The following PKHD1 variants were observed in gnomAD, a reference collection of about 807,000 sequenced individuals.
PKHD1 encodes fibrocystin.
PKHD1 carries 291 observed loss-of-function variants against 412.0 expected under a neutral mutation model. The ratio of observed to expected loss-of-function variants is 0.71; its 90% CI spans 0.64 to 0.78. PKHD1 has a LOEUF of 0.78. PKHD1 is among the 30% of genes least tolerant of loss of function. The probability of loss-of-function intolerance (pLI) is 0.00; values close to 1 mark genes in which losing one functional copy is unlikely to be tolerated. For missense variants in PKHD1, 4,825 were observed against 4,950.7 expected (o/e 0.97, Z 0.76); for synonymous variants, 1,777 against 1,821.5 (o/e 0.98, Z 0.62).
intron 31 of PKHD1, among the ~76,000 whole-genome samples, chr6:52,027,084 C>T (rs2128149286): frequency 6.6e-6 from 1 of 152,316 alleles, no homozygotes; most frequent in Non-Finnish European, 1.5e-5. Flanking sequence ...TCATCTGTCT[C>T]TCTCATGGAA....
intron 52 of PKHD1, among the ~76,000 whole-genome samples, chr6:51,792,857 C>T (rs1294264070): frequency 6.6e-6 from 1 of 152,224 alleles, no homozygotes; most frequent in Non-Finnish European, 1.5e-5. Context: ...ACTCCAGTGA[C>T]ACCCTGTACA....
chr6:51,872,680 A>G (rs1333853157), intron 46 of PKHD1, among the ~76,000 whole-genome samples: 1 of 152,110 alleles, frequency 6.6e-6, no homozygotes, highest in Non-Finnish European at 1.5e-5. Flanking sequence ...AACTGCTGGG[A>G]TTACAGGTGT....
rs4715276 is a variant in PKHD1 at position 52,070,180 on chromosome 6, A to C, written c.707+226T>G. Among the ~76,000 whole-genome samples the C allele has an allele frequency of 0.56, 84,623 of 152,026 alleles. 26,053 individuals carry two copies. Among genetic ancestry groups the C allele is most frequent in the Non-Finnish European group, 0.69 (46,838 of 67,932 alleles). ...AAGATTTAATTCCCAAAATTCTGCAACACCACCATATTGAAACACACATTG... is the reference window on the plus strand; with the variant it reads ...AAGATTTAATTCCCAAAATTCTGCACCACCACCATATTGAAACACACATTG... On this transcript the variant is annotated intron_variant, in intron 10 of 66. Transcript: ENST00000371117.
intron 13 of PKHD1, among the ~76,000 whole-genome samples, chr6:52,063,245 C>T (rs750585263): frequency 6.6e-6 from 1 of 152,138 alleles, no homozygotes; most frequent in Non-Finnish European, 1.5e-5. Flanking sequence ...AACCCTGAGG[C>T]CAAAGGCACA....
rs189491407 is a variant in PKHD1 at position 52,057,034 on chromosome 6, A to G, written c.1513-55T>C. On this transcript the variant is annotated intron_variant, in intron 16 of 66. Transcript: ENST00000371117. ...TGATGGTGCTAATTAAGCCAGAGAG[A>G]CAATCTAAGAACACAGGACATTCCT... 1.1e-4 allele frequency: 130 copies of G among 1,146,162 alleles called. 1 individual carries two copies. In the African/African-American group the frequency reaches 1.8e-3, roughly 16 times the overall value. 71.0% of individuals were successfully genotyped at this position (1,146,162 alleles called of 1,614,324 possible). A position where few individuals can be genotyped will look rare whatever the true frequency, so the allele number is the denominator to read the frequency against.
At chr6:51,642,093 C>T (rs2580014) in intron 63 of PKHD1, among the ~76,000 whole-genome samples, 3,857 of 152,074 alleles carry the variant, frequency 0.025, 178 homozygotes, top group African/African-American at 0.088. Flanking sequence ...GGTTTCATGC[C>T]TCATTCACTT....
At position 52,027,843 on chromosome 6, in the gene PKHD1, C is replaced by T. The variant is rs540077564; in HGVS notation, c.3614G>A (p.Cys1205Tyr). ...GAGCCACTCACCCAGCAGGGACCCACAGCAAGGCTCGATGCTGAAAACTTC... is the reference window on the plus strand; with the variant it reads ...GAGCCACTCACCCAGCAGGGACCCATAGCAAGGCTCGATGCTGAAAACTTC... ...LTEVFSIEPC[C>Y]GSLLGGTILS... is the part of the protein sequence containing the mutation. The change falls in exon 31 of 67, where the codon TGT becomes TAT. Residue 1205 changes from cysteine to tyrosine, a missense_variant. Transcript: ENST00000371117. The T allele has an allele frequency of 3.1e-6, 5 of 1,612,568 alleles. No homozygotes were observed. In the South Asian group the frequency reaches 4.4e-5, roughly 14 times the overall value.
intron 36 of PKHD1, among the ~76,000 whole-genome samples, chr6:51,948,532 T>C (rs903664209): frequency 3.3e-5 from 5 of 152,248 alleles, no homozygotes; most frequent in Non-Finnish European, 7.3e-5. Flanking sequence ...TTTCTTATTT[T>C]GTTTATTGAC....
chr6:51,677,843 AT>A (rs1776086845), intron 60 of PKHD1, among the ~76,000 whole-genome samples: 1 of 151,878 alleles, frequency 6.6e-6, no homozygotes, highest in Non-Finnish European at 1.5e-5. Flanking sequence ...TGATTCAACC[AT>A]TTTTCCTTTT....
chr6:51,888,926 C>T (rs1190416364), intron 43 of PKHD1, among the ~76,000 whole-genome samples: 1 of 151,142 alleles, frequency 6.6e-6, no homozygotes, highest in Admixed American at 6.6e-5. Flanking sequence ...AACAAAGGGC[C>T]AATCGATCAA....
intron 35 of PKHD1, among the ~76,000 whole-genome samples, chr6:51,986,761 A>G (rs1425917756): frequency 6.6e-6 from 1 of 152,230 alleles, no homozygotes; most frequent in African/African-American, 2.4e-5. Flanking sequence ...CTCATTCCCC[A>G]AGCAAAATAG....
chr6:51,820,091 T>C (rs1433874481), intron 52 of PKHD1, among the ~76,000 whole-genome samples: 4 of 152,202 alleles, frequency 2.6e-5, no homozygotes, highest in Non-Finnish European at 5.9e-5. Context: ...GAAGCTGAGA[T>C]TGGCTCTTGG....
chr6:52,064,946 C>T lies in PKHD1; in HGVS notation c.976+9G>A. ...AGAGTTTATTGAACAGCCCTGGTGG[C>T]TTCCTTACCTGGCTGAGGGGTGGTG... On this transcript the variant is annotated intron_variant, in intron 13 of 66. Coordinates refer to ENST00000371117, the MANE Select transcript of PKHD1 (RefSeq NM_138694.4). The T allele has an allele frequency of 2.6e-6, 4 of 1,535,708 alleles. No homozygotes were observed. The highest frequency in any genetic ancestry group is 2.7e-6 in the Non-Finnish European group (3 of 1,117,906).
intron 35 of PKHD1, among the ~76,000 whole-genome samples, chr6:51,990,007 T>A (rs934676898): frequency 4.9e-5 from 5 of 102,794 alleles, no homozygotes; most frequent in South Asian, 3.3e-4. Context: ...AATTTCACTA[T>A]TCCACCCATG....
intron 61 of PKHD1, among the ~76,000 whole-genome samples, chr6:51,651,229 C>T (rs1439587430): frequency 2.0e-5 from 3 of 152,176 alleles, no homozygotes; most frequent in African/African-American, 7.2e-5. Context: ...AGACTTGCTG[C>T]TGCAGCATAT....
At chr6:51,680,668 C>T (rs141908268) in intron 60 of PKHD1, among the ~76,000 whole-genome samples, 3 of 151,998 alleles carry the variant, frequency 2.0e-5, no homozygotes, top group Admixed American at 2.0e-4. Flanking sequence ...CAATAATTTC[C>T]TATTACAGAC....
In PKHD1 at chr6:51,887,249, C is replaced by T. The variant is rs1382447658; in HGVS notation, c.6997-4G>A. ...CAGCACCACACACTCTGTTCCCCTA[C>T]AGAAATTAAGAAGAGTTAAAAAATA... On this transcript the variant is annotated splice_polypyrimidine_tract_variant and splice_region_variant and intron_variant, in intron 43 of 66. Coordinates refer to ENST00000371117, the MANE Select transcript of PKHD1 (RefSeq NM_138694.4). 6.3e-7 allele frequency: 1 copy of T among 1,585,156 alleles called. No individual in the cohort carries two copies. The highest frequency in any genetic ancestry group is 1.3e-5 in the African/African-American group (1 of 74,428).
chr6:52,008,694 T>C (rs1016133186), intron 35 of PKHD1, among the ~76,000 whole-genome samples: 3 of 152,054 alleles, frequency 2.0e-5, no homozygotes, highest in African/African-American at 7.2e-5. Context: ...CATTGGACAT[T>C]TACCATGTGT....
intron 19 of PKHD1, among the ~76,000 whole-genome samples, chr6:52,054,941 G>A (rs900730906): frequency 3.9e-5 from 6 of 152,204 alleles, no homozygotes; most frequent in Admixed American, 3.3e-4. Flanking sequence ...CTACTGCCAT[G>A]AGCTCCACCA....
Sources: allele counts gnomAD v4.1 joint callset (sites outside exome capture counted in the v4.1 genomes callset), GRCh38; gene constraint gnomAD v4.1.1; transcripts MANE v1.5; gene names NCBI Gene and HGNC (gene_info 2026-07-23, HGNC 2026-07-21).